The following PANK2 variants were observed in gnomAD, a reference collection of about 807,000 sequenced individuals.
The protein encoded by PANK2 is pantothenate kinase 2, mitochondrial.
PANK2 carries 36 observed loss-of-function variants against 43.1 expected under a neutral mutation model. That is an observed-to-expected ratio of 0.84 (90% CI 0.64 to 1.10). The LOEUF is 1.10. PANK2 is among the 50% of genes least tolerant of loss of function. PANK2 has a pLI of 0.00. For synonymous variants in PANK2, 281 were observed against 238.2 expected, an observed-to-expected ratio of 1.18 and a Z score of -1.66; for missense variants, 576 against 593.3, an observed-to-expected ratio of 0.97 and a Z score of 0.30.
chr20:3,900,394 CT>C (rs2090282263), intron 1 of PANK2, among the ~76,000 whole-genome samples: 1 of 151,594 alleles, frequency 6.6e-6, no homozygotes, highest in South Asian at 2.1e-4. Context: ...AAGGTATGAC[CT>C]TTACTGTACT....
chr20:3,889,143 G>A (rs1327528268), upstream of PANK2: 2 of 1,572,030 alleles, frequency 1.3e-6, no homozygotes, highest in East Asian at 2.4e-5. Context: ...CCATTGGGCG[G>A]CGCCGCCATC....
At chr20:3,908,418 G>A in intron 2 of PANK2, 140 bp downstream of exon 2, 2 of 860,684 alleles carry the variant, frequency 2.3e-6, no homozygotes, top group Non-Finnish European at 3.6e-6. Flanking sequence ...GTACGCTAGT[G>A]ATAGGAGTTG....
At chr20:3,898,294 G>T (rs1490697297) in intron 1 of PANK2, among the ~76,000 whole-genome samples, 1 of 152,012 alleles carries the variant, frequency 6.6e-6, no homozygotes, top group East Asian at 1.9e-4. Flanking sequence ...CTGCCTCCCG[G>T]GTTCAAGCAA....
At chr20:3,920,377 G>A (rs113800135) in intron 6 of PANK2, among the ~76,000 whole-genome samples, 17,749 of 152,114 alleles carry the variant, frequency 0.12, 1,382 homozygotes, top group Non-Finnish European at 0.17. Context: ...TTAGCTGGGC[G>A]CAATGGCGGG....
At chr20:3,913,567 C>T (rs1020141641) in intron 4 of PANK2, among the ~76,000 whole-genome samples, 2 of 151,980 alleles carry the variant, frequency 1.3e-5, no homozygotes, top group African/African-American at 4.8e-5. Context: ...AGGTCTCGAA[C>T]TCAGGTGATC....
intron 6 of PANK2, among the ~76,000 whole-genome samples, chr20:3,920,250 G>A (rs568742762): frequency 6.6e-6 from 1 of 151,944 alleles, no homozygotes; most frequent in Admixed American, 6.6e-5. Flanking sequence ...GGTGGCTCAC[G>A]TCTGTAATCC....
At chr20:3,901,241 C>T (rs1017369282) in intron 1 of PANK2, among the ~76,000 whole-genome samples, 56 of 150,802 alleles carry the variant, frequency 3.7e-4, no homozygotes, top group African/African-American at 1.1e-3. Flanking sequence ...GAGATGTGGT[C>T]TTGCTGTGTT....
Position 3,889,883 on chromosome 20 carries a change from C to T in PANK2, c.298+155C>T, listed in dbSNP as rs139387713. The T allele has an allele frequency of 1.1e-4, 174 of 1,532,616 alleles. 1 individual carries two copies. The African/African-American group carries it at 2.2e-3, about 19-fold the overall frequency. 94.9% of individuals were successfully genotyped at this position (1,532,616 alleles called of 1,614,324 possible). ...GCGTGGCCTGACATCCGGCTGGAGG[C>T]CTCGGGTGCTCCGAAAGCGGTACCT... is the stretch of plus-strand genomic sequence containing the variant. On this transcript the variant is annotated intron_variant, in intron 1 of 6. Transcript: ENST00000610179.
At position 3,926,606 on chromosome 20, in the gene PANK2, CTT is replaced by C. The variant is rs2090723477; in HGVS notation, c.*3314_*3315del. On this transcript the variant is annotated 3_prime_UTR_variant, in exon 7 of 7. Transcript: ENST00000610179. ...CTAGGGGCTTGGGGTGGGGGCAACT[CTT>C]TGCAGGGTGGTGTGGCCTGTGGAGG... The C allele has an allele frequency of 1.3e-5, 2 of 152,442 alleles. No homozygotes were observed. The highest frequency in any genetic ancestry group is 2.4e-5 in the African/African-American group (1 of 41,544). The allele number at this position is 152,442 out of a possible 1,614,324, so 9.4% of individuals were successfully genotyped here. A position where few individuals can be genotyped will look rare whatever the true frequency, so the allele number is the denominator to read the frequency against.
chr20:3,907,539 A>G (rs1040226764), intron 1 of PANK2, among the ~76,000 whole-genome samples: 2 of 152,192 alleles, frequency 1.3e-5, no homozygotes, highest in African/African-American at 4.8e-5. Context: ...TTGCTGCTAA[A>G]CCAGAACTCT....
intron 4 of PANK2, among the ~76,000 whole-genome samples, chr20:3,916,311 T>TG (rs2090559176): frequency 6.6e-6 from 1 of 152,250 alleles, no homozygotes; most frequent in Non-Finnish European, 1.5e-5. Flanking sequence ...TATGTATACA[T>TG]GCTTGTTTAC....
At chr20:3,895,492 T>TTC (rs2090192159) in intron 1 of PANK2, among the ~76,000 whole-genome samples, 1 of 146,686 alleles carries the variant, frequency 6.8e-6, no homozygotes, top group African/African-American at 2.5e-5. Flanking sequence ...CCGTTTTTTT[T>TTC]TTTTTCTTTT....
At chr20:3,921,213 A>G (rs1174370781) in intron 6 of PANK2, 1 of 131,822 alleles carries the variant, frequency 7.6e-6, no homozygotes. Flanking sequence ...CCCCCACCCC[A>G]TGGCAGGCCC....
At position 3,923,299 on chromosome 20, in the gene PANK2, T is replaced by C. The variant is rs938937488; in HGVS notation, c.*5T>C. ...GAGCTGTTGAAGATCCCGTGATCAT[T>C]ACCTGGGGAGGGGTTCCTGAAACCT... On this transcript the variant is annotated 3_prime_UTR_variant, in exon 7 of 7. Transcript: ENST00000610179. The C allele has an allele frequency of 3.7e-6, 6 of 1,614,010 alleles. No individual in the cohort carries two copies. Among genetic ancestry groups the C allele is most frequent in the African/African-American group, 2.7e-5 (2 of 74,934 alleles).
chr20:3,907,987 C>G lies in PANK2; in HGVS notation c.360C>G (p.Pro120=). Residue 120 remains proline (P), a synonymous_variant, in exon 2 of 7, where the codon CCC becomes CCG. Coordinates refer to ENST00000610179, the MANE Select transcript of PANK2 (RefSeq NM_001386393.1). ...TGGTCAAGCTGGTATATTTTGAACC[C>G]AAAGACATCACTGCTGAAGAAGAAG... is the stretch of plus-strand genomic sequence containing the variant. The G allele has an allele frequency of 6.2e-7, 1 of 1,614,084 alleles. No homozygotes were observed. Among genetic ancestry groups the G allele is most frequent in the Non-Finnish European group, 8.5e-7 (1 of 1,180,016 alleles).
At chr20:3,903,793 A>G (rs1175431538) in intron 1 of PANK2, among the ~76,000 whole-genome samples, 1 of 151,710 alleles carries the variant, frequency 6.6e-6, no homozygotes, top group Non-Finnish European at 1.5e-5. Context: ...ACGCCCGGCT[A>G]ATTTTTTTTA....
At chr20:3,903,218 C>T (rs987483816) in intron 1 of PANK2, among the ~76,000 whole-genome samples, 3 of 151,044 alleles carry the variant, frequency 2.0e-5, no homozygotes, top group Non-Finnish European at 2.9e-5. Context: ...AATCTTGGCT[C>T]ATTGAAATTT....
Position 3,910,816 on chromosome 20 carries a change from G to T in PANK2, c.891G>T (p.Arg297=), listed in dbSNP as rs2090457961. ...TATATTCCAAAGATAATTACAAACGGGTCACAGGTACTAGGTAAGTTGTAT... is the reference window on the plus strand; with the variant it reads ...TATATTCCAAAGATAATTACAAACGTGTCACAGGTACTAGGTAAGTTGTAT... The change falls in exon 3 of 7, where the codon CGG becomes CGT. Residue 297 remains arginine (R), a synonymous_variant. Coordinates refer to ENST00000610179, the MANE Select transcript of PANK2 (RefSeq NM_001386393.1). The T allele has an allele frequency of 1.2e-6, 2 of 1,614,046 alleles. No homozygotes were observed. Among genetic ancestry groups the T allele is most frequent in the Admixed American group, 3.3e-5 (2 of 60,006 alleles).
upstream of PANK2, chr20:3,888,943 A>ATGTAGGTGTAGATCTCGGT: frequency 1.7e-6 from 1 of 576,060 alleles, no homozygotes; most frequent in East Asian, 3.0e-5. Flanking sequence ...GCCGACGACC[A>ATGTAGGTGTAGATCTCGGT]GCGGCCAGAC....
Sources: allele counts gnomAD v4.1 joint callset (sites outside exome capture counted in the v4.1 genomes callset), GRCh38; gene constraint gnomAD v4.1.1; transcripts MANE v1.5; gene names NCBI Gene and HGNC (gene_info 2026-07-23, HGNC 2026-07-21).